MAGI1: variants seen among roughly 807,000 people sequenced by gnomAD.
The protein encoded by MAGI1 is membrane associated guanylate kinase, WW and PDZ domain containing 1, also known as membrane-associated guanylate kinase, WW and PDZ domain-containing protein 1.
MAGI1 carries 58 observed loss-of-function variants against 139.9 expected under a neutral mutation model. The ratio of observed to expected loss-of-function variants is 0.41; its 90% CI spans 0.34 to 0.52. MAGI1 has a LOEUF of 0.52. Ranked by LOEUF, MAGI1 falls within the 20% of genes least tolerant of loss-of-function variation. The probability of loss-of-function intolerance (pLI) is 0.12; values close to 1 mark genes in which losing one functional copy is unlikely to be tolerated. For synonymous variants in MAGI1, 812 were observed against 737.9 expected (o/e 1.10, Z -1.63); for missense variants, 1,874 against 1,901.6 (o/e 0.99, Z 0.27).
chr3:65,738,691 C>T lies in MAGI1; in HGVS notation c.314-116603G>A, dbSNP rs181176644. ...ACAGGCACGAAAACAACATTCATCT[C>T]CATGTACATCTCCATCAGAGCTCTT... On this transcript the variant is annotated intron_variant, in intron 1 of 22. Coordinates refer to ENST00000402939, the MANE Select transcript of MAGI1 (RefSeq NM_001033057.2). Among the ~76,000 whole-genome samples the T allele has an allele frequency of 1.6e-4, 24 of 152,324 alleles. No individual in the cohort carries two copies. In the South Asian group the frequency reaches 2.5e-3, roughly 16 times the overall value.
At chr3:65,543,018 T>C (rs756572659) in intron 2 of MAGI1, among the ~76,000 whole-genome samples, 38 of 151,786 alleles carry the variant, frequency 2.5e-4, no homozygotes, top group Non-Finnish European at 4.6e-4. Flanking sequence ...AAAGGGCTAA[T>C]ATCCAGAATC....
intron 1 of MAGI1, among the ~76,000 whole-genome samples, chr3:65,729,029 A>G (rs963522014): frequency 1.3e-5 from 2 of 150,410 alleles, no homozygotes; most frequent in South Asian, 2.1e-4. Flanking sequence ...GTTTTGCAAA[A>G]ATTTGGACCT....
chr3:65,432,219 A>C (rs1947507271), intron 10 of MAGI1, among the ~76,000 whole-genome samples: 1 of 152,118 alleles, frequency 6.6e-6, no homozygotes, highest in African/African-American at 2.4e-5. Flanking sequence ...TTTCATGAGC[A>C]GCTTCTTTCA....
At chr3:65,704,266 G>A (rs2089808417) in intron 1 of MAGI1, among the ~76,000 whole-genome samples, 1 of 152,094 alleles carries the variant, frequency 6.6e-6, no homozygotes, top group South Asian at 2.1e-4. Flanking sequence ...TCCTCCTTAG[G>A]AGACACCTCA....
intron 2 of MAGI1, among the ~76,000 whole-genome samples, chr3:65,497,214 GA>G (rs1463820050): frequency 6.6e-6 from 1 of 152,072 alleles, no homozygotes. Context: ...GCAAGAGACA[GA>G]AAGATAAAAT....
intron 2 of MAGI1, among the ~76,000 whole-genome samples, chr3:65,561,781 G>C (rs910570661): frequency 6.6e-6 from 1 of 152,100 alleles, no homozygotes; most frequent in Non-Finnish European, 1.5e-5. Context: ...TTAGCAAGTG[G>C]AGACAGAGTC....
At chr3:65,961,721 A>G (rs1363012346) in intron 1 of MAGI1, among the ~76,000 whole-genome samples, 1 of 152,200 alleles carries the variant, frequency 6.6e-6, no homozygotes, top group African/African-American at 2.4e-5. Flanking sequence ...CAGGAGGTGA[A>G]CTGATATCAA....
At chr3:65,897,754 T>G (rs2061039682) in intron 1 of MAGI1, among the ~76,000 whole-genome samples, 1 of 151,900 alleles carries the variant, frequency 6.6e-6, no homozygotes, top group Non-Finnish European at 1.5e-5. Flanking sequence ...TCCCAGCTAC[T>G]AGGGAGGCTG....
At chr3:65,478,565 T>C (rs375778572) in intron 4 of MAGI1, 27 bp downstream of exon 4, 52 of 1,604,170 alleles carry the variant, frequency 3.2e-5, no homozygotes, top group South Asian at 1.1e-4. Flanking sequence ...CCCAGGTCCA[T>C]TGAGGGCAAC....
chr3:65,549,576 C>G lies in MAGI1; in HGVS notation c.431-55945G>C, dbSNP rs117240963. The G allele has an allele frequency of 3.2e-3, 2,204 of 680,750 alleles. 82 individuals carry two copies. The East Asian group carries it at 0.099, about 31-fold the overall frequency. 42.2% of individuals were successfully genotyped at this position (680,750 alleles called of 1,614,324 possible). On this transcript the variant is annotated intron_variant, in intron 2 of 22. Transcript: ENST00000402939. ...TCGGCCAGGGTGTCCCCAGCCCGCTCGGGCGGCAGCGGCGTCAATGCGCGC... is the reference window on the plus strand; with the variant it reads ...TCGGCCAGGGTGTCCCCAGCCCGCTGGGGCGGCAGCGGCGTCAATGCGCGC...
chr3:65,753,491 C>T (rs936396699), intron 1 of MAGI1, among the ~76,000 whole-genome samples: 1 of 151,966 alleles, frequency 6.6e-6, no homozygotes, highest in African/African-American at 2.4e-5. Context: ...GAGGCCGAGG[C>T]GGGAGGATCA....
intron 1 of MAGI1, among the ~76,000 whole-genome samples, chr3:65,728,221 A>G (rs1407655435): frequency 6.6e-6 from 1 of 152,206 alleles, no homozygotes; most frequent in East Asian, 1.9e-4. Context: ...CATATGAGGC[A>G]AATGACAGGA....
intron 2 of MAGI1, among the ~76,000 whole-genome samples, chr3:65,542,093 G>A (rs916325758): frequency 4.6e-5 from 7 of 152,144 alleles, no homozygotes; most frequent in African/African-American, 1.7e-4. Flanking sequence ...GAAAATCAAT[G>A]TGCAAAAATC....
intron 1 of MAGI1, among the ~76,000 whole-genome samples, chr3:65,925,816 A>T (rs2062472752): frequency 6.6e-6 from 1 of 152,080 alleles, no homozygotes; most frequent in Admixed American, 6.5e-5. Flanking sequence ...AGTAGCTAGG[A>T]CTACAGTCAC....
chr3:65,888,299 T>C (rs1042119519), intron 1 of MAGI1, among the ~76,000 whole-genome samples: 8 of 152,102 alleles, frequency 5.3e-5, no homozygotes, highest in African/African-American at 1.9e-4. Flanking sequence ...AGCACAAGAA[T>C]AGTCAAGGAG....
intron 1 of MAGI1, among the ~76,000 whole-genome samples, chr3:65,750,118 C>T (rs1453562519): frequency 6.6e-6 from 1 of 152,072 alleles, no homozygotes; most frequent in East Asian, 1.9e-4. Context: ...AAATTAAAAC[C>T]AAATGGCATA....
chr3:65,782,143 T>A (rs951838701), intron 1 of MAGI1, among the ~76,000 whole-genome samples: 2 of 152,100 alleles, frequency 1.3e-5, no homozygotes, highest in Non-Finnish European at 2.9e-5. Flanking sequence ...CCCAAAGATA[T>A]CCCCATCCTG....
chr3:65,782,750 G>A (rs929322958), intron 1 of MAGI1, among the ~76,000 whole-genome samples: 1 of 151,272 alleles, frequency 6.6e-6, no homozygotes, highest in African/African-American at 2.4e-5. Context: ...ACCTACAACA[G>A]TTAACATCTA....
chr3:65,963,813 ACATTT>A (rs1215628021), intron 1 of MAGI1, among the ~76,000 whole-genome samples: 2 of 152,248 alleles, frequency 1.3e-5, no homozygotes, highest in East Asian at 3.8e-4. Flanking sequence ...CTTGTTGTAT[ACATTT>A]ATTTATTTCA....
Sources: gnomAD v4.1 joint callset for allele counts (sites outside exome capture counted in the v4.1 genomes callset) on GRCh38, gnomAD v4.1.1 for gene constraint, MANE v1.5 for transcripts, NCBI Gene and HGNC (gene_info 2026-07-23, HGNC 2026-07-21) for gene names.